ANK3: variants seen among roughly 807,000 people sequenced by gnomAD.
ANK3 encodes the protein ankyrin-3.
A neutral mutation model predicts 370.9 loss-of-function variants in ANK3; 57 were observed. The ratio of observed to expected loss-of-function variants is 0.15; its 90% CI spans 0.12 to 0.19. ANK3 has a LOEUF of 0.19. Ranked by LOEUF, ANK3 falls within the 10% of genes least tolerant of loss-of-function variation. The pLI is 1.00. For synonymous variants in ANK3, 1,929 were observed against 1,946.3 expected, an observed-to-expected ratio of 0.99 and a Z score of 0.23; for missense variants, 4,439 against 5,302.1, an observed-to-expected ratio of 0.84 and a Z score of 5.06.
intron 2 of ANK3, among the ~76,000 whole-genome samples, chr10:60,559,449 A>AT (rs970683880): frequency 6.6e-6 from 1 of 152,144 alleles, no homozygotes; most frequent in Admixed American, 6.5e-5. Flanking sequence ...TATTTCATTC[A>AT]TTTTTATGAA....
intron 26 of ANK3, among the ~76,000 whole-genome samples, chr10:60,110,165 A>C (rs11593303): frequency 0.047 from 7,211 of 152,280 alleles, 206 homozygotes; most frequent in Non-Finnish European, 0.058. Context: ...CCCTAAAAAC[A>C]ATGCTAACAT....
At chr10:60,648,448 C>T (rs372815897) in intron 1 of ANK3, among the ~76,000 whole-genome samples, 2 of 146,304 alleles carry the variant, frequency 1.4e-5, no homozygotes, top group African/African-American at 2.5e-5. Context: ...CGTGAGCCAC[C>T]GCACCTGGCC....
At chr10:60,653,104 T>C (rs1321117317) in intron 1 of ANK3, among the ~76,000 whole-genome samples, 1 of 152,132 alleles carries the variant, frequency 6.6e-6, no homozygotes, top group Non-Finnish European at 1.5e-5. Flanking sequence ...ATTCTGTACA[T>C]TTTCTGTTTT....
At chr10:60,531,068 A>T (rs1474661218) in intron 2 of ANK3, among the ~76,000 whole-genome samples, 1 of 152,088 alleles carries the variant, frequency 6.6e-6, no homozygotes, top group South Asian at 2.1e-4. Flanking sequence ...TCAGAAATCG[A>T]TCTCTTCAGG....
At chr10:60,108,622 C>A (rs561668075) in intron 27 of ANK3, among the ~76,000 whole-genome samples, 1 of 152,238 alleles carries the variant, frequency 6.6e-6, no homozygotes, top group South Asian at 2.1e-4. Context: ...TTAGTAAAAG[C>A]CTTGACTAGC....
At chr10:60,691,180 C>CA (rs2079346837) in intron 1 of ANK3, among the ~76,000 whole-genome samples, 1 of 152,150 alleles carries the variant, frequency 6.6e-6, no homozygotes, top group East Asian at 1.9e-4. Context: ...TTTCTTGACA[C>CA]ATAGAGAAAA....
rs367732159 is a variant in ANK3 at position 60,668,242 on chromosome 10, G to T, written c.58-53018C>A. On this transcript the variant is annotated intron_variant, in intron 1 of 43. Transcript: ENST00000373827. ...CTGGGAATAACTCATCAGACGAAGG[G>T]CTAACTTAAATCTGGCCTGCCCTCT... Among the ~76,000 whole-genome samples the T allele has an allele frequency of 2.6e-5, 4 of 151,588 alleles. 1 individual carries two copies. The highest frequency in any genetic ancestry group is 9.8e-5 in the African/African-American group (4 of 40,884).
chr10:60,688,956 GAA>G (rs55650401), intron 1 of ANK3, among the ~76,000 whole-genome samples: 21,979 of 125,222 alleles, frequency 0.18, 2,008 homozygotes, highest in South Asian at 0.28. Context: ...TCAAAAAAAA[GAA>G]AAAAAAAAAA....
At chr10:60,666,913 G>T (rs532507507) in intron 1 of ANK3, among the ~76,000 whole-genome samples, 5 of 152,092 alleles carry the variant, frequency 3.3e-5, no homozygotes, top group African/African-American at 1.2e-4. Context: ...GTAATGCTTA[G>T]ATGTTTTAAT....
chr10:60,350,878 A>C (rs951608726), intron 1 of ANK3, among the ~76,000 whole-genome samples: 1 of 152,006 alleles, frequency 6.6e-6, no homozygotes, highest in African/African-American at 2.4e-5. Flanking sequence ...GCCCTTTGAT[A>C]CTTCCCAGGG....
chr10:60,583,084 C>A (rs2077777678), intron 2 of ANK3, among the ~76,000 whole-genome samples: 1 of 152,120 alleles, frequency 6.6e-6, no homozygotes, highest in Non-Finnish European at 1.5e-5. Context: ...GCACTATTCA[C>A]AATAGTCAAG....
chr10:60,612,542 A>T (rs1460928048), intron 2 of ANK3, among the ~76,000 whole-genome samples: 1 of 152,106 alleles, frequency 6.6e-6, no homozygotes, highest in Non-Finnish European at 1.5e-5. Context: ...CCCAGGCTGG[A>T]GTGCAGTGGC....
At chr10:60,242,736 G>A (rs112972182) in intron 7 of ANK3, among the ~76,000 whole-genome samples, 141 of 152,250 alleles carry the variant, frequency 9.3e-4, no homozygotes, top group African/African-American at 3.3e-3. Flanking sequence ...GAGATAATTT[G>A]TATTAAAAGA....
At chr10:60,457,874 C>A (rs887963681) in intron 2 of ANK3, among the ~76,000 whole-genome samples, 1 of 151,858 alleles carries the variant, frequency 6.6e-6, no homozygotes, top group Admixed American at 6.6e-5. Context: ...ATGCAGTGGG[C>A]GGTAGTGTAG....
intron 1 of ANK3, among the ~76,000 whole-genome samples, chr10:60,663,482 C>T (rs938428329): frequency 6.9e-6 from 1 of 144,458 alleles, no homozygotes; most frequent in South Asian, 2.2e-4. Flanking sequence ...CTCACATCTG[C>T]TTAAGAGCAC....
chr10:60,711,100 A>G (rs2079698495), intron 1 of ANK3, among the ~76,000 whole-genome samples: 1 of 152,236 alleles, frequency 6.6e-6, no homozygotes, highest in Non-Finnish European at 1.5e-5. Context: ...AGTCAAGGGG[A>G]CACATAAAAT....
chr10:60,439,437 C>T (rs1229387872), intron 2 of ANK3, among the ~76,000 whole-genome samples: 3 of 151,954 alleles, frequency 2.0e-5, no homozygotes, highest in Non-Finnish European at 2.9e-5. Flanking sequence ...GTAGGAGGAT[C>T]GCTTGAGGCC....
intron 1 of ANK3, among the ~76,000 whole-genome samples, chr10:60,366,256 C>T (rs1182235501): frequency 6.6e-6 from 1 of 152,122 alleles, no homozygotes. Context: ...TAGCTTGAAC[C>T]CGGGAGGCGG....
At chr10:60,300,428 T>C (rs538874231) in intron 1 of ANK3, 1 of 1,289,098 alleles carries the variant, frequency 7.8e-7, no homozygotes, top group South Asian at 1.2e-5. Context: ...TCTAAAAATA[T>C]CTGCCTTCGG....
Sources: gnomAD v4.1 joint callset for allele counts (sites outside exome capture counted in the v4.1 genomes callset) on GRCh38, gnomAD v4.1.1 for gene constraint, MANE v1.5 for transcripts, NCBI Gene and HGNC (gene_info 2026-07-23, HGNC 2026-07-21) for gene names.